ABCB11: variants seen among roughly 807,000 people sequenced by gnomAD.
The protein encoded by ABCB11 is ATP binding cassette subfamily B member 11.
In ABCB11, 95 loss-of-function variants were observed where a neutral mutation model predicts 148.0. The observed-to-expected ratio is 0.64, with a 90% CI of 0.54 to 0.76. ABCB11 has a LOEUF of 0.76. ABCB11 is among the 30% of genes least tolerant of loss of function. The probability of loss-of-function intolerance (pLI) is 0.00; values close to 1 mark genes in which losing one functional copy is unlikely to be tolerated. For synonymous variants in ABCB11, 591 were observed against 555.4 expected (o/e 1.06, Z -0.90); for missense variants, 1,523 against 1,617.8 (o/e 0.94, Z 1.01).
At chr2:168,953,627 TA>T (rs200142000) in intron 19 of ABCB11, among the ~76,000 whole-genome samples, 3,316 of 151,666 alleles carry the variant, frequency 0.022, 111 homozygotes, top group African/African-American at 0.075. Context: ...TTAGTTGGAT[TA>T]TTTTTTTAAT....
intron 17 of ABCB11, 44 bp from the exon 18 acceptor site, chr2:168,964,352 A>G: frequency 1.4e-6 from 2 of 1,461,634 alleles, no homozygotes; most frequent in Non-Finnish European, 1.9e-6. Flanking sequence ...CTGTGGCCAG[A>G]TTGGAGCAGG....
In ABCB11 at chr2:169,013,458, C is replaced by G. The variant is rs1695254445; in HGVS notation, c.203G>C (p.Cys68Ser). ...CTGGGCTATTCCATGGAGAAATGCA[C>G]ACAAACTTCCCACAAACATCAGCCA... ...DIWLMFVGSL[C>S]AFLHGIAQPG... Residue 68 changes from cysteine (C) to serine (S), a missense_variant, in exon 5 of 28, where the codon TGT becomes TCT. Coordinates refer to ENST00000650372, the MANE Select transcript of ABCB11 (RefSeq NM_003742.4). 1.2e-6 allele frequency: 2 copies of G among 1,613,596 alleles called. No individual in the cohort carries two copies. The highest frequency in any genetic ancestry group is 1.7e-5 in the Admixed American group (1 of 59,928).
At chr2:169,020,629 G>T (rs1431231920) in intron 1 of ABCB11, among the ~76,000 whole-genome samples, 5 of 151,364 alleles carry the variant, frequency 3.3e-5, no homozygotes, top group Admixed American at 3.3e-4. Flanking sequence ...GGTCTCAAAA[G>T]ACCACATACT....
At chr2:168,989,054 C>A (rs1310478961) in intron 9 of ABCB11, among the ~76,000 whole-genome samples, 1 of 151,992 alleles carries the variant, frequency 6.6e-6, no homozygotes, top group Admixed American at 6.6e-5. Context: ...GTATGGGTTA[C>A]AAATATTTTC....
intron 25 of ABCB11, among the ~76,000 whole-genome samples, chr2:168,928,189 A>G (rs895768445): frequency 6.6e-6 from 1 of 152,186 alleles, no homozygotes; most frequent in Non-Finnish European, 1.5e-5. Flanking sequence ...AATATAAAGC[A>G]TTTCTCAATA....
At chr2:169,015,535 C>T (rs73024733) in intron 3 of ABCB11, among the ~76,000 whole-genome samples, 3,492 of 152,152 alleles carry the variant, frequency 0.023, 130 homozygotes, top group African/African-American at 0.079. Context: ...GGTGCGGGCA[C>T]CTGCTACTCC....
At chr2:168,924,221 A>G (rs1261076573) in intron 27 of ABCB11, among the ~76,000 whole-genome samples, 1 of 152,198 alleles carries the variant, frequency 6.6e-6, no homozygotes, top group East Asian at 1.9e-4. Flanking sequence ...TTAATTATAC[A>G]TTTTAAATTT....
At chr2:168,992,193 A>G (rs556004730) in intron 8 of ABCB11, among the ~76,000 whole-genome samples, 23 of 152,120 alleles carry the variant, frequency 1.5e-4, no homozygotes, top group African/African-American at 5.5e-4. Context: ...AAAGCAAGAC[A>G]AGACATGTGC....
chr2:168,991,019 T>C, intron 8 of ABCB11, 94 bp from the exon 9 acceptor site: 1 of 1,386,568 alleles, frequency 7.2e-7, no homozygotes, highest in South Asian at 1.3e-5. Flanking sequence ...GGCATGGGTT[T>C]AATACAATAT....
intron 10 of ABCB11, among the ~76,000 whole-genome samples, chr2:168,982,165 T>C (rs1216159005): frequency 1.3e-5 from 2 of 152,080 alleles, no homozygotes; most frequent in Admixed American, 1.3e-4. Context: ...AATTAAGCTA[T>C]GGGTGTGCTG....
At chr2:168,958,839 T>C (rs1314031507) in intron 18 of ABCB11, among the ~76,000 whole-genome samples, 1 of 151,742 alleles carries the variant, frequency 6.6e-6, no homozygotes, top group African/African-American at 2.4e-5. Flanking sequence ...CCATCGTTTT[T>C]CCTTGCTATG....
chr2:168,975,315 A>C (rs186499433), intron 12 of ABCB11, among the ~76,000 whole-genome samples: 8 of 35,888 alleles, frequency 2.2e-4, no homozygotes, highest in African/African-American at 9.7e-4. Context: ...AAATATTTAT[A>C]GATAAATATA....
chr2:168,945,392 A>G (rs533859477), intron 19 of ABCB11, among the ~76,000 whole-genome samples: 70 of 151,948 alleles, frequency 4.6e-4, no homozygotes, highest in African/African-American at 1.6e-3. Context: ...GGGGCGGAAA[A>G]CCTGGTGAAT....
intron 18 of ABCB11, among the ~76,000 whole-genome samples, chr2:168,962,879 T>A (rs1347083248): frequency 6.6e-6 from 1 of 151,740 alleles, no homozygotes; most frequent in Non-Finnish European, 1.5e-5. Context: ...CTGTGATTCA[T>A]CCTGCTGCTC....
At position 168,993,720 on chromosome 2, in the gene ABCB11, G is replaced by C; in HGVS notation, c.774C>G (p.Thr258=). 1 of 1,608,424 alleles carries C rather than the reference G, an allele frequency of 6.2e-7. No homozygotes were observed. Among genetic ancestry groups the C allele is most frequent in the Non-Finnish European group, 8.5e-7 (1 of 1,177,176 alleles). The part of the protein sequence containing the change: ...VSPLIGIGAA[T]IGLSVSKFTD... ...AAAAAGACATTCTTACCAGACCAAT[G>C]GTGGCTGCTCCAATCCCAATGAGAG... Residue 258 remains threonine, a synonymous_variant, in exon 8 of 28, where the codon ACC becomes ACG. Transcript: ENST00000650372.
chr2:169,003,072 T>C (rs1694920854), intron 5 of ABCB11, among the ~76,000 whole-genome samples: 1 of 152,096 alleles, frequency 6.6e-6, no homozygotes, highest in African/African-American at 2.4e-5. Flanking sequence ...CCAAGCAGTG[T>C]ACACTGCATC....
intron 2 of ABCB11, 41 bp from the exon 3 acceptor site, chr2:169,016,840 T>C (rs184989461): frequency 1.3e-4 from 202 of 1,506,366 alleles, no homozygotes; most frequent in Non-Finnish European, 3.6e-6. Flanking sequence ...CAGTTAATAA[T>C]AATGACAAAA....
chr2:168,936,081 A>G (rs1691808436), intron 22 of ABCB11, 149 bp downstream of exon 22: 1 of 710,814 alleles, frequency 1.4e-6, no homozygotes. Context: ...TGCGCCAAGC[A>G]CGCATAGAAA....
intron 18 of ABCB11, among the ~76,000 whole-genome samples, chr2:168,961,300 G>T (rs959117640): frequency 6.6e-6 from 1 of 151,652 alleles, no homozygotes; most frequent in Non-Finnish European, 1.5e-5. Context: ...TCTATACTTT[G>T]TTACACTAAT....
Sources: allele counts gnomAD v4.1 joint callset (sites outside exome capture counted in the v4.1 genomes callset), GRCh38; gene constraint gnomAD v4.1.1; transcripts MANE v1.5; gene names NCBI Gene and HGNC (gene_info 2026-07-23, HGNC 2026-07-21).